RASEF: variants seen among roughly 807,000 people sequenced by gnomAD.
RASEF encodes RAS and EF-hand domain containing.
In RASEF, 68 loss-of-function variants were observed where a neutral mutation model predicts 90.1. The observed-to-expected ratio is 0.75, with a 90% CI of 0.62 to 0.92. The LOEUF (loss-of-function observed/expected upper bound fraction) is 0.92. Among genes scored for constraint, RASEF ranks in the 40% least tolerant of loss-of-function variants. The pLI, the probability that RASEF is intolerant of heterozygous loss-of-function variation, is 0.00. For missense variants in RASEF, 949 were observed against 937.2 expected, an observed-to-expected ratio of 1.01 and a Z score of -0.16; for synonymous variants, 331 against 345.2, an observed-to-expected ratio of 0.96 and a Z score of 0.46.
intron 1 of RASEF, among the ~76,000 whole-genome samples, chr9:83,034,561 A>T (rs192333178): frequency 6.6e-6 from 1 of 152,250 alleles, no homozygotes; most frequent in Non-Finnish European, 1.5e-5. Context: ...GTCTAGGAAC[A>T]ATCCAGATTA....
the RASEF span, among the ~76,000 whole-genome samples, chr9:83,085,907 A>T: frequency 1.5e-3 from 222 of 152,216 alleles, no homozygotes; most frequent in Non-Finnish European, 2.9e-3. Flanking sequence ...CCTGGGTGAC[A>T]GAGCAAGACT....
At chr9:83,134,408 G>GCACACACACACA in the RASEF span, among the ~76,000 whole-genome samples, 153 of 136,002 alleles carry the variant, frequency 1.1e-3, 3 homozygotes, top group African/African-American at 4.1e-3. Context: ...GATCACAATA[G>GCACACACACACA]CGCACACACA....
chr9:83,040,483 C>T (rs1829819282), intron 1 of RASEF, among the ~76,000 whole-genome samples: 1 of 152,104 alleles, frequency 6.6e-6, no homozygotes, highest in Admixed American at 6.5e-5. Flanking sequence ...ATAGCTTCTA[C>T]AAAAGATAAG....
chr9:83,106,617 T>A, the RASEF span, among the ~76,000 whole-genome samples: 2 of 152,186 alleles, frequency 1.3e-5, no homozygotes, highest in African/African-American at 4.8e-5. Flanking sequence ...TGACCTGATC[T>A]TCTCCTTTGT....
At chr9:83,135,511 A>G in the RASEF span, among the ~76,000 whole-genome samples, 42 of 152,158 alleles carry the variant, frequency 2.8e-4, no homozygotes, top group Non-Finnish European at 5.4e-4. Flanking sequence ...ATAAATAAAT[A>G]AATAAAAATG....
At chr9:83,139,369 A>G in the RASEF span, among the ~76,000 whole-genome samples, 1 of 152,024 alleles carries the variant, frequency 6.6e-6, no homozygotes, top group Admixed American at 6.6e-5. Context: ...ATAACTTTTA[A>G]CTCCCTAAAA....
chr9:83,111,325 G>A, the RASEF span, among the ~76,000 whole-genome samples: 1 of 152,144 alleles, frequency 6.6e-6, no homozygotes, highest in African/African-American at 2.4e-5. Context: ...GAGAGTAGAA[G>A]GGTGGTTACC....
chr9:83,029,694 T>C (rs1015847615), intron 1 of RASEF, among the ~76,000 whole-genome samples: 1 of 151,080 alleles, frequency 6.6e-6, no homozygotes, highest in Non-Finnish European at 1.5e-5. Flanking sequence ...TACAGGCGTG[T>C]GCCAACACGC....
the RASEF span, among the ~76,000 whole-genome samples, chr9:83,082,124 T>C: frequency 6.6e-6 from 1 of 152,132 alleles, no homozygotes; most frequent in Non-Finnish European, 1.5e-5. Context: ...CTTTAATTAG[T>C]ATGATCTTGG....
chr9:83,078,961 G>C, the RASEF span, among the ~76,000 whole-genome samples: 4 of 152,154 alleles, frequency 2.6e-5, no homozygotes, highest in African/African-American at 9.7e-5. Flanking sequence ...ACCTTTGTCA[G>C]ACGTATAGTT....
chr9:83,183,195 GT>G, the RASEF span, among the ~76,000 whole-genome samples: 1 of 50,118 alleles, frequency 2.0e-5, no homozygotes, highest in African/African-American at 9.8e-5. Flanking sequence ...CTTCAATAAA[GT>G]TTAAAAAGAA....
intron 1 of RASEF, chr9:83,054,812 T>G (rs1310033305): frequency 6.6e-6 from 1 of 150,766 alleles, no homozygotes; most frequent in East Asian, 2.0e-4. Flanking sequence ...CCGTGTGAGG[T>G]GTCAGTGTGC....
chr9:83,203,993 G>A, the RASEF span, among the ~76,000 whole-genome samples: 2 of 152,182 alleles, frequency 1.3e-5, no homozygotes, highest in Non-Finnish European at 2.9e-5. Flanking sequence ...GCAGTGTGGA[G>A]AACAGATCAA....
At chr9:83,208,498 A>G in the RASEF span, among the ~76,000 whole-genome samples, 3 of 152,156 alleles carry the variant, frequency 2.0e-5, no homozygotes, top group Admixed American at 1.3e-4. Flanking sequence ...CTATCTACAT[A>G]GGTGTGTCTG....
chr9:83,063,586 A>G (rs1352102311), upstream of RASEF, among the ~76,000 whole-genome samples: 3 of 152,210 alleles, frequency 2.0e-5, no homozygotes, highest in Non-Finnish European at 2.9e-5. Context: ...TTGTGCGTCT[A>G]ACGTTAAGGT....
the RASEF span, among the ~76,000 whole-genome samples, chr9:83,207,542 G>A: frequency 2.4e-4 from 36 of 151,042 alleles, no homozygotes; most frequent in East Asian, 7.8e-4. Context: ...TGAGGGGCCC[G>A]ATAACTTTCA....
At chr9:83,091,190 C>T in the RASEF span, among the ~76,000 whole-genome samples, 1 of 152,156 alleles carries the variant, frequency 6.6e-6, no homozygotes, top group Non-Finnish European at 1.5e-5. Flanking sequence ...ATTTGCTGTG[C>T]ATGCACACAG....
At position 83,005,444 on chromosome 9, in the gene RASEF, T is replaced by A. The variant is rs572195193; in HGVS notation, c.1085A>T (p.Asn362Ile). Reference sequence around the variant, plus strand: ...AGATCTGTTGAACTTGCTATAACTGTTTTCAAGGGCACTTCTAAGGCCATC... The same window carrying A: ...AGATCTGTTGAACTTGCTATAACTGATTTCAAGGGCACTTCTAAGGCCATC... Reference protein sequence around the residue: ...SNDGLRSALENSYSKFNRSLH... With the variant: ...SNDGLRSALEISYSKFNRSLH... The change falls in exon 8 of 17, where the codon AAC becomes ATC. Residue 362 changes from asparagine to isoleucine, a missense_variant. By Grantham distance (149) the Asn-to-Ile change is moderately radical. Coordinates refer to ENST00000376447, the MANE Select transcript of RASEF (RefSeq NM_152573.4). 3.7e-6 allele frequency: 6 copies of A among 1,613,800 alleles called. No homozygotes were observed. The highest frequency in any genetic ancestry group is 1.3e-5 in the African/African-American group (1 of 75,028).
the RASEF span, among the ~76,000 whole-genome samples, chr9:83,206,792 C>T: frequency 0.032 from 4,829 of 152,130 alleles, 263 homozygotes; most frequent in African/African-American, 0.11. Flanking sequence ...TTTTGCCCAG[C>T]TCTCATTTCA....
Sources: gnomAD v4.1 joint callset for allele counts (sites outside exome capture counted in the v4.1 genomes callset) on GRCh38, gnomAD v4.1.1 for gene constraint, MANE v1.5 for transcripts, NCBI Gene and HGNC (gene_info 2026-07-23, HGNC 2026-07-21) for gene names.